ZWINT: variants seen among roughly 807,000 people sequenced by gnomAD.
ZWINT encodes outer kinetochore KNL1 complex subunit ZWINT.
Under a neutral mutation model 41.5 loss-of-function variants are expected in ZWINT, and 41 were observed. The observed-to-expected ratio is 0.99, with a 90% CI of 0.77 to 1.28. The LOEUF (loss-of-function observed/expected upper bound fraction) is 1.28, where lower values mean the gene tolerates loss of function less well. Ranked by LOEUF, ZWINT falls within the 50% of genes most tolerant of loss-of-function variation. ZWINT has a pLI of 0.00. For missense variants in ZWINT, 369 were observed against 329.7 expected (o/e 1.12, Z -0.92); for synonymous variants, 132 against 126.8 (o/e 1.04, Z -0.28).
In ZWINT at chr10:56,357,720, T is replaced by G. The variant is rs1250932483; in HGVS notation, c.*507A>C. ...ATAAGGCACAAAAAGATACCAAGAA[T>G]GTTAACACTAGGCTGTACATCCTAA... is the stretch of plus-strand genomic sequence containing the variant. On this transcript the variant is annotated 3_prime_UTR_variant, in exon 9 of 9. Transcript: ENST00000373944. The G allele has an allele frequency of 4.7e-6, 1 of 212,104 alleles. No homozygotes were observed. The highest frequency in any genetic ancestry group is 9.6e-6 in the Non-Finnish European group (1 of 104,384). 13.1% of individuals were successfully genotyped at this position (212,104 alleles called of 1,614,324 possible). A position where few individuals can be genotyped will look rare whatever the true frequency, so the allele number is the denominator to read the frequency against.
rs767790233 is a variant in ZWINT at position 56,358,620 on chromosome 10, G to C, written c.728C>G (p.Pro243Arg). The C allele has an allele frequency of 6.2e-7, 1 of 1,613,946 alleles. No homozygotes were observed. Among genetic ancestry groups the C allele is most frequent in the South Asian group, 1.1e-5 (1 of 91,062 alleles). ...ENLPDDKPQQPTRPQEQSTGD... is the reference protein window; with the variant it reads ...ENLPDDKPQQRTRPQEQSTGD... ...TGTACTCTGCTCCTGGGGTCGAGTC[G>C]GCTGCTGGGGTTTATCATCTGGAAG... Residue 243 changes from proline (P) to arginine (R), a missense_variant, in exon 7 of 9, where the codon CCG becomes CGG. Physicochemically the swap from Pro to Arg is moderately radical, Grantham distance 103 (BLOSUM62 -2). Coordinates refer to ENST00000373944, the MANE Select transcript of ZWINT (RefSeq NM_007057.4).
chr10:56,360,281 T>C lies in ZWINT; in HGVS notation c.132+12A>G. 6.2e-7 allele frequency: 1 copy of C among 1,614,018 alleles called. No individual in the cohort carries two copies. The highest frequency in any genetic ancestry group is 1.1e-5 in the South Asian group (1 of 91,060). On this transcript the variant is annotated intron_variant, in intron 2 of 8. Transcript: ENST00000373944. ...CTGGCTTCTGAAAGGCTCGCTCTCA[T>C]CTTGTACATACCACCACAAACTCAA...
chr10:56,358,979 T>C, intron 5 of ZWINT, 32 bp from the exon 6 acceptor site: 1 of 1,610,944 alleles, frequency 6.2e-7, no homozygotes, highest in Non-Finnish European at 8.5e-7. Flanking sequence ...ACATTATGCA[T>C]CAGATGTTGA....
At chr10:56,359,570 A>G (rs1838269031) in intron 4 of ZWINT, 38 bp from the exon 5 acceptor site, 2 of 1,564,112 alleles carry the variant, frequency 1.3e-6, no homozygotes, top group African/African-American at 1.4e-5. Flanking sequence ...AGAGAAGTCT[A>G]TTTTTTCTGG....
chr10:56,359,810 C>T lies in ZWINT; in HGVS notation c.300G>A (p.Lys100=), dbSNP rs762054322. ...IAAKEQWKEL[K]ATYREHVEAI... The stretch of plus-strand genomic sequence containing the variant: ...CCTCTACGTGCTCCCTGTAGGTGGC[C>T]TTCAGCTCTTTCCATTGTTCCTTAG... Residue 100 remains lysine (K), a synonymous_variant, in exon 4 of 9, where the codon AAG becomes AAA. Coordinates refer to ENST00000373944, the MANE Select transcript of ZWINT (RefSeq NM_007057.4). 1.2e-5 allele frequency: 20 copies of T among 1,614,106 alleles called. No homozygotes were observed. In the South Asian group the frequency reaches 2.1e-4, roughly 17 times the overall value.
chr10:56,358,377 C>CTTT lies in ZWINT; in HGVS notation c.*38_*40dup, dbSNP rs1330040559. 2 of 1,613,756 alleles carry CTTT rather than the reference C, an allele frequency of 1.2e-6. No individual in the cohort carries two copies. The highest frequency in any genetic ancestry group is 4.5e-5 in the East Asian group (2 of 44,898). On this transcript the variant is annotated splice_region_variant and 3_prime_UTR_variant, in exon 8 of 9. Transcript: ENST00000373944. ...CACCAAGGCCTGAGTTGGGTCTGAC[C>CTTT]TTTTCTAGGATCTTTCTCCATGCTG...
Position 56,358,556 on chromosome 10 carries a change from C to G in ZWINT, c.792G>C (p.Lys264Asn). ...CCCACCTGTTCCATCTCTCATTTAC[C>G]TTGAAGGACACACCAGGGTCTCTCC... is the stretch of plus-strand genomic sequence containing the variant. Reference protein sequence around the residue: ...TMGRDPGVSFKAVGLQPAGDV... With the variant: ...TMGRDPGVSFNAVGLQPAGDV... Residue 264 changes from lysine to asparagine, a missense_variant and splice_region_variant, in exon 7 of 9, where the codon AAG becomes AAC. Transcript: ENST00000373944. 1 of 1,614,044 alleles carries G rather than the reference C, an allele frequency of 6.2e-7. No individual in the cohort carries two copies. The highest frequency in any genetic ancestry group is 8.5e-7 in the Non-Finnish European group (1 of 1,179,994).
chr10:56,357,379 T>C lies in ZWINT; in HGVS notation c.*848A>G, dbSNP rs1021353702. The C allele has an allele frequency of 2.6e-5, 4 of 152,168 alleles. No homozygotes were observed. The highest frequency in any genetic ancestry group is 9.6e-5 in the African/African-American group (4 of 41,454). The allele number at this position is 152,168 out of a possible 1,614,324, so 9.4% of individuals were successfully genotyped here. A position where few individuals can be genotyped will look rare whatever the true frequency, so the allele number is the denominator to read the frequency against. On this transcript the variant is annotated 3_prime_UTR_variant, in exon 9 of 9. Transcript: ENST00000373944. The stretch of plus-strand genomic sequence containing the variant: ...AATTTATGAATCAATGAAATAATTA[T>C]AACAGAATATAGGAAATGCTATGAA...
rs58152081 is a variant in ZWINT at position 56,359,679 on chromosome 10, G to A, written c.423+8C>T. 1,379 of 1,614,120 alleles carry A rather than the reference G, an allele frequency of 8.5e-4. 11 individuals are homozygous for A. The African/African-American group carries it at 0.017, about 20-fold the overall frequency. ...TTCCCTCCCTGTACTCAAGACCCCT[G>A]GGTGTACCTTGGCCTGGAGCTGCTC... On this transcript the variant is annotated splice_region_variant and intron_variant, in intron 4 of 8. Transcript: ENST00000373944.
chr10:56,359,435 T>C (rs550095575), intron 5 of ZWINT, 41 bp downstream of exon 5: 3 of 1,498,860 alleles, frequency 2.0e-6, no homozygotes, highest in East Asian at 2.3e-5. Context: ...TACAATGGCA[T>C]GGTGGTGGGA....
chr10:56,361,046 A>C (rs1406851941), intron 1 of ZWINT, 150 bp downstream of exon 1: 1 of 810,344 alleles, frequency 1.2e-6, no homozygotes, highest in African/African-American at 1.7e-5. Flanking sequence ...ACACCTCAGG[A>C]ACCTAAGACG....
intron 6 of ZWINT, 28 bp downstream of exon 6, chr10:56,358,777 A>C: frequency 6.2e-7 from 1 of 1,613,936 alleles, no homozygotes; most frequent in South Asian, 1.1e-5. Flanking sequence ...GACCATTTTG[A>C]ATCTGCAGCC....
chr10:56,360,656 G>A (rs1242856331), intron 1 of ZWINT, among the ~76,000 whole-genome samples: 1 of 152,174 alleles, frequency 6.6e-6, no homozygotes, highest in African/African-American at 2.4e-5. Flanking sequence ...ATTTTAAATA[G>A]GGAGTGTCTC....
Position 56,359,544 on chromosome 10 carries a change from C to A in ZWINT, c.424-12G>T, listed in dbSNP as rs1423659859. The A allele has an allele frequency of 1.3e-6, 2 of 1,556,846 alleles. No individual in the cohort carries two copies. Among genetic ancestry groups the A allele is most frequent in the Non-Finnish European group, 1.7e-6 (2 of 1,155,924 alleles). On this transcript the variant is annotated splice_polypyrimidine_tract_variant and intron_variant, in intron 4 of 8. Transcript: ENST00000373944. ...ATGGCCATTTGTTTCTACAGATAAG[C>A]AAGGGAGAAAGACCAAGAGAAGTCT...
rs1329257348 is a variant in ZWINT at position 56,360,135 on chromosome 10, G to C, written c.139C>G (p.Gln47Glu). 2 of 1,613,862 alleles carry C rather than the reference G, an allele frequency of 1.2e-6. No homozygotes were observed. The highest frequency in any genetic ancestry group is 4.5e-5 in the East Asian group (2 of 44,882). ...KILVEFVVDS[Q>E]KKDKLLCSQL... ...CTGCAGAGCAGCTTGTCTTTCTTCT[G>C]AGAGTCCTGCTCAGAGGGAGGGCAG... Residue 47 changes from glutamine (Q) to glutamate (E), a missense_variant, in exon 3 of 9, where the codon CAG becomes GAG. Gln to Glu is a conservative substitution (Grantham distance 29). Coordinates refer to ENST00000373944, the MANE Select transcript of ZWINT (RefSeq NM_007057.4).
intron 5 of ZWINT, 105 bp from the exon 6 acceptor site, chr10:56,359,052 TGAAAAGAGG>T: frequency 7.3e-7 from 1 of 1,370,350 alleles, no homozygotes; most frequent in Non-Finnish European, 1.0e-6. Context: ...GGCTCAATGA[TGAAAAGAGG>T]GACTCTATTC....
chr10:56,360,939 A>T (rs558038686), intron 1 of ZWINT, among the ~76,000 whole-genome samples: 1 of 152,244 alleles, frequency 6.6e-6, no homozygotes, highest in African/African-American at 2.4e-5. Context: ...AAGAAGACAG[A>T]AGTGAAACCG....
Position 56,359,086 on chromosome 10 carries a change from T to C in ZWINT, c.481-139A>G, listed in dbSNP as rs1838251898. 12 of 1,064,530 alleles carry C rather than the reference T, an allele frequency of 1.1e-5. No individual in the cohort carries two copies. The South Asian group carries it at 2.0e-4, about 17-fold the overall frequency. 65.9% of individuals were successfully genotyped at this position (1,064,530 alleles called of 1,614,324 possible). A position where few individuals can be genotyped will look rare whatever the true frequency, so the allele number is the denominator to read the frequency against. ...GGACTCTATTCACTTCAGGGTGGAGTAGGGGCCTAGAGAAAAGGAAAGATC... is the reference window on the plus strand; with the variant it reads ...GGACTCTATTCACTTCAGGGTGGAGCAGGGGCCTAGAGAAAAGGAAAGATC... On this transcript the variant is annotated intron_variant, in intron 5 of 8. Transcript: ENST00000373944.
At chr10:56,361,041 T>C (rs1023074379) in intron 1 of ZWINT, among the ~76,000 whole-genome samples, 155 bp downstream of exon 1, 4 of 151,986 alleles carry the variant, frequency 2.6e-5, no homozygotes, top group Non-Finnish European at 5.9e-5. Flanking sequence ...AACAGACACC[T>C]CAGGAACCTA....
Sources: gnomAD v4.1 joint callset for allele counts (sites outside exome capture counted in the v4.1 genomes callset) on GRCh38, gnomAD v4.1.1 for gene constraint, MANE v1.5 for transcripts, NCBI Gene and HGNC (gene_info 2026-07-23, HGNC 2026-07-21) for gene names.